Variants in DPP10 observed in about 807,000 individuals in gnomAD.
DPP10 encodes the protein inactive dipeptidyl peptidase 10.
Under a neutral mutation model 120.9 loss-of-function variants are expected in DPP10, and 33 were observed. That is an observed-to-expected ratio of 0.27 (90% CI 0.21 to 0.37). DPP10 has a LOEUF of 0.37. DPP10 is among the 10% of genes least tolerant of loss of function. The probability of loss-of-function intolerance (pLI) is 1.00; values close to 1 mark genes in which losing one functional copy is unlikely to be tolerated. For missense variants in DPP10, 816 were observed against 942.8 expected, an observed-to-expected ratio of 0.87 and a Z score of 1.76; for synonymous variants, 337 against 326.1, an observed-to-expected ratio of 1.03 and a Z score of -0.36.
intron 1 of DPP10, among the ~76,000 whole-genome samples, chr2:114,797,435 TTC>T (rs1574211596): frequency 6.6e-6 from 1 of 152,196 alleles, no homozygotes; most frequent in East Asian, 1.9e-4. Context: ...TAAGCCTCAA[TTC>T]TACTTTTTAA....
intron 1 of DPP10, among the ~76,000 whole-genome samples, chr2:114,955,243 G>C (rs1049836162): frequency 3.3e-5 from 5 of 152,172 alleles, no homozygotes; most frequent in African/African-American, 4.8e-5. Context: ...GGCCATGCTT[G>C]TGGGAGTGTA....
At chr2:114,555,171 G>C (rs1420582977) in intron 1 of DPP10, among the ~76,000 whole-genome samples, 1 of 152,208 alleles carries the variant, frequency 6.6e-6, no homozygotes, top group African/African-American at 2.4e-5. Flanking sequence ...TACACACTCA[G>C]AATACAATAG....
chr2:115,382,475 A>G (rs528703171), intron 3 of DPP10, among the ~76,000 whole-genome samples: 2 of 152,284 alleles, frequency 1.3e-5, no homozygotes, highest in Admixed American at 1.3e-4. Context: ...TCCTATTGAG[A>G]TGAACCTGGT....
chr2:115,702,979 T>C (rs978387195), intron 7 of DPP10, among the ~76,000 whole-genome samples: 2 of 152,044 alleles, frequency 1.3e-5, no homozygotes, highest in African/African-American at 2.4e-5. Context: ...TGTAGCCTTA[T>C]AAAGGTCAGA....
At chr2:115,552,527 C>A (rs1467393348) in intron 5 of DPP10, among the ~76,000 whole-genome samples, 2 of 152,022 alleles carry the variant, frequency 1.3e-5, no homozygotes, top group Non-Finnish European at 2.9e-5. Flanking sequence ...TATTCATCTC[C>A]CCTTTTATCT....
intron 3 of DPP10, among the ~76,000 whole-genome samples, chr2:115,491,593 G>T (rs1444601511): frequency 1.3e-5 from 2 of 152,114 alleles, no homozygotes; most frequent in Non-Finnish European, 2.9e-5. Context: ...CCAGGAGGAG[G>T]GTTGTCTCGG....
intron 19 of DPP10, among the ~76,000 whole-genome samples, chr2:115,808,434 G>C (rs1008305400): frequency 2.0e-5 from 3 of 152,144 alleles, no homozygotes; most frequent in African/African-American, 4.8e-5. Flanking sequence ...GGAATGGAAG[G>C]TGTAAGGTCA....
intron 3 of DPP10, among the ~76,000 whole-genome samples, chr2:115,372,166 G>C (rs2065456030): frequency 6.6e-6 from 1 of 151,988 alleles, no homozygotes; most frequent in African/African-American, 2.4e-5. Flanking sequence ...TTAAATGGAA[G>C]GGATATAAGT....
At chr2:114,460,592 C>G (rs1678847614) in intron 1 of DPP10, among the ~76,000 whole-genome samples, 1 of 152,056 alleles carries the variant, frequency 6.6e-6, no homozygotes, top group Non-Finnish European at 1.5e-5. Context: ...TTTCAAGCCT[C>G]CATTTTATGG....
intron 1 of DPP10, among the ~76,000 whole-genome samples, chr2:114,718,482 G>A (rs1701499421): frequency 6.6e-6 from 1 of 151,218 alleles, no homozygotes; most frequent in Non-Finnish European, 1.5e-5. Flanking sequence ...CATGTGGCTA[G>A]AGGCTATTGT....
intron 3 of DPP10, among the ~76,000 whole-genome samples, chr2:115,441,878 C>T (rs1193202866): frequency 2.1e-5 from 3 of 146,040 alleles, no homozygotes; most frequent in African/African-American, 7.7e-5. Flanking sequence ...TGCAGTGGCA[C>T]GATCTCAGCT....
chr2:114,735,519 A>G (rs77296438), intron 1 of DPP10, among the ~76,000 whole-genome samples: 3 of 152,128 alleles, frequency 2.0e-5, no homozygotes, highest in Non-Finnish European at 4.4e-5. Context: ...TTATTATCAT[A>G]TTAGTTTTAT....
At chr2:115,048,511 C>G (rs1466024601) in intron 1 of DPP10, among the ~76,000 whole-genome samples, 1 of 152,010 alleles carries the variant, frequency 6.6e-6, no homozygotes, top group African/African-American at 2.4e-5. Context: ...AAGCTAATTT[C>G]CTGCTTAAAA....
intron 5 of DPP10, among the ~76,000 whole-genome samples, chr2:115,609,386 G>A (rs916142602): frequency 1.3e-5 from 2 of 152,056 alleles, no homozygotes; most frequent in African/African-American, 4.8e-5. Flanking sequence ...TGAGATTGAT[G>A]TCTAGGAATC....
chr2:114,883,835 A>G (rs1221346342), intron 1 of DPP10, among the ~76,000 whole-genome samples: 1 of 152,184 alleles, frequency 6.6e-6, no homozygotes, highest in Non-Finnish European at 1.5e-5. Flanking sequence ...CCCTCATTTC[A>G]CCAACATCTA....
rs570435198 is a variant in DPP10, at chr2:114,662,932, G to A, written c.60+220094G>A. ...ATCAGCTGGTGCTACTCGCCTTAAG[G>A]CACTTTTGATTGAGTTCTTGTCAGT... On this transcript the variant is annotated intron_variant, in intron 1 of 25. Transcript: ENST00000410059. Among the ~76,000 whole-genome samples, 30 of 152,232 alleles carry A rather than the reference G, an allele frequency of 2.0e-4. No individual in the cohort carries two copies. In the South Asian group the frequency reaches 5.6e-3, roughly 28 times the overall value.
At chr2:115,599,549 G>A (rs920637903) in intron 5 of DPP10, among the ~76,000 whole-genome samples, 4 of 151,936 alleles carry the variant, frequency 2.6e-5, no homozygotes, top group Non-Finnish European at 5.9e-5. Context: ...TCTTTGCTAA[G>A]ATTTTATACT....
At chr2:115,040,260 G>C (rs552070494) in intron 1 of DPP10, among the ~76,000 whole-genome samples, 6 of 151,740 alleles carry the variant, frequency 4.0e-5, no homozygotes, top group Non-Finnish European at 8.8e-5. Context: ...AACCAAAAAA[G>C]AGTAGGAATA....
chr2:114,615,231 A>T (rs947389523), intron 1 of DPP10, among the ~76,000 whole-genome samples: 1 of 152,122 alleles, frequency 6.6e-6, no homozygotes, highest in African/African-American at 2.4e-5. Flanking sequence ...GTATTTTCAC[A>T]TGTTAGCATT....
Sources: gnomAD v4.1 joint callset for allele counts (sites outside exome capture counted in the v4.1 genomes callset) on GRCh38, gnomAD v4.1.1 for gene constraint, MANE v1.5 for transcripts, NCBI Gene and HGNC (gene_info 2026-07-23, HGNC 2026-07-21) for gene names.